Variants in USP8 observed in about 807,000 individuals in gnomAD.
USP8 encodes the protein ubiquitin carboxyl-terminal hydrolase 8.
Under a neutral mutation model 130.0 loss-of-function variants are expected in USP8, and 27 were observed. The ratio of observed to expected loss-of-function variants is 0.21; its 90% confidence interval spans 0.15 to 0.29. USP8 has a LOEUF of 0.29. Ranked by LOEUF, USP8 falls within the 10% of genes least tolerant of loss-of-function variation. The probability of loss-of-function intolerance (pLI) is 1.00; values close to 1 mark genes in which losing one functional copy is unlikely to be tolerated. For synonymous variants in USP8, 392 were observed against 444.1 expected, an observed-to-expected ratio of 0.88 and a Z score of 1.48; for missense variants, 1,029 against 1,312.2, an observed-to-expected ratio of 0.78 and a Z score of 3.33.
In USP8 at chr15:50,498,698, T is replaced by A; in HGVS notation, c.3141T>A (p.Asn1047Lys). The stretch of plus-strand genomic sequence containing the variant: ...AGTATGTTATTGGTCCAAAGAACAA[T>A]TTGAAGAAATATAATTTGTTTTCTG... ...LSQYVIGPKN[N>K]LKKYNLFSVS... The change falls in exon 19 of 20, where the codon AAT becomes AAA. Residue 1047 changes from asparagine to lysine, a missense_variant. Asn to Lys is a moderately conservative substitution (Grantham distance 94, BLOSUM62 0). Transcript: ENST00000307179. 6.2e-7 allele frequency: 1 copy of A among 1,611,694 alleles called. No homozygotes were observed. Among genetic ancestry groups the A allele is most frequent in the Non-Finnish European group, 8.5e-7 (1 of 1,178,406 alleles).
intron 8 of USP8, among the ~76,000 whole-genome samples, chr15:50,473,030 G>C (rs1380725199): frequency 1.3e-5 from 2 of 152,106 alleles, no homozygotes; most frequent in South Asian, 2.1e-4. Context: ...AAATACTTAA[G>C]ATAAAATAGT....
At position 50,424,619 on chromosome 15, in the gene USP8, C is replaced by G. The variant is rs968233046; in HGVS notation, c.-66+105C>G. The stretch of plus-strand genomic sequence containing the variant: ...AGCTGCTGGTTACCCCGGAGACAAG[C>G]TCTGTCCGCGGAGAGGAGTGGGACA... On this transcript the variant is annotated intron_variant, in intron 1 of 19. Coordinates refer to ENST00000307179, the MANE Select transcript of USP8 (RefSeq NM_005154.5). The G allele has an allele frequency of 1.8e-5, 7 of 397,380 alleles. No individual in the cohort carries two copies. In the South Asian group the frequency reaches 5.5e-4, roughly 31 times the overall value. 24.6% of individuals were successfully genotyped at this position (397,380 alleles called of 1,614,324 possible).
rs1372991677 is a variant in USP8 at position 50,499,135 on chromosome 15, A to ACAACT, written c.*49_*53dup. 8.6e-6 allele frequency: 13 copies of ACAACT among 1,512,814 alleles called. No homozygotes were observed. The highest frequency in any genetic ancestry group is 2.1e-5 in the Admixed American group (1 of 48,070). The allele number at this position is 1,512,814 out of a possible 1,614,324, so 93.7% of individuals were successfully genotyped here. ...GTTATCTTTTAAAAGGCTCAGCAAC[A>ACAACT]CAACTCTTGAAATGCTTATCAGGAT... On this transcript the variant is annotated 3_prime_UTR_variant, in exon 20 of 20. Coordinates refer to ENST00000307179, the MANE Select transcript of USP8 (RefSeq NM_005154.5).
At chr15:50,450,020 A>C (rs1356919700) in intron 4 of USP8, among the ~76,000 whole-genome samples, 1 of 148,838 alleles carries the variant, frequency 6.7e-6, no homozygotes, top group Non-Finnish European at 1.5e-5. Flanking sequence ...CAGCCTCCCG[A>C]GTAGCTGGGA....
At chr15:50,481,410 C>A (rs555295411) in intron 10 of USP8, 71 bp from the exon 11 acceptor site, 118 of 1,145,510 alleles carry the variant, frequency 1.0e-4, no homozygotes, top group Non-Finnish European at 1.3e-4. Flanking sequence ...TTTATCACAA[C>A]TTGATCTCAA....
intron 12 of USP8, 71 bp downstream of exon 12, chr15:50,484,432 A>G: frequency 8.4e-7 from 1 of 1,190,048 alleles, no homozygotes; most frequent in Non-Finnish European, 1.2e-6. Flanking sequence ...TGATTATCTT[A>G]CCACACTGCT....
intron 16 of USP8, among the ~76,000 whole-genome samples, chr15:50,494,561 CAAAT>C (rs1324745133): frequency 6.6e-6 from 1 of 152,150 alleles, no homozygotes; most frequent in East Asian, 1.9e-4. Context: ...AAATCATAAA[CAAAT>C]GATCTTATAA....
Position 50,511,313 on chromosome 15 carries a change from C to A in USP8, c.*12225C>A, listed in dbSNP as rs1193973992. 1 of 152,074 alleles carries A rather than the reference C, an allele frequency of 6.6e-6. No homozygotes were observed. Among genetic ancestry groups the A allele is most frequent in the African/African-American group, 2.4e-5 (1 of 41,408 alleles). 9.4% of individuals were successfully genotyped at this position (152,074 alleles called of 1,614,324 possible). ...ATGTGGGGAAACTGGAACCTTAGTT[C>A]CAGTTGCTGGTGGGAACGTAAAATG... On this transcript the variant is annotated 3_prime_UTR_variant, in exon 20 of 20. Transcript: ENST00000307179.
At chr15:50,427,091 A>G (rs1325287556) in intron 1 of USP8, among the ~76,000 whole-genome samples, 3 of 151,066 alleles carry the variant, frequency 2.0e-5, no homozygotes, top group South Asian at 2.1e-4. Context: ...GTAGCATGTC[A>G]CCAAGCCCAG....
Position 50,462,139 on chromosome 15 carries a change from T to C in USP8, c.499-141T>C, listed in dbSNP as rs2051028566. ...AAGAAACCTTTTAATATCATTATTATTCGTCTGCGTTTTTATAAAAGGCCA... is the reference window on the plus strand; with the variant it reads ...AAGAAACCTTTTAATATCATTATTACTCGTCTGCGTTTTTATAAAAGGCCA... On this transcript the variant is annotated intron_variant, in intron 5 of 19. Coordinates refer to ENST00000307179, the MANE Select transcript of USP8 (RefSeq NM_005154.5). 3 of 605,368 alleles carry C rather than the reference T, an allele frequency of 5.0e-6. No individual in the cohort carries two copies. The South Asian group carries it at 6.8e-5, about 14-fold the overall frequency. 37.5% of individuals were successfully genotyped at this position (605,368 alleles called of 1,614,324 possible). A position where few individuals can be genotyped will look rare whatever the true frequency, so the allele number is the denominator to read the frequency against.
chr15:50,443,487 T>G lies in USP8; in HGVS notation c.249+1994T>G, dbSNP rs1013625287. 1.2e-4 allele frequency among the ~76,000 whole-genome samples: 18 copies of G among 151,998 alleles called. 1 individual carries two copies. The highest frequency in any genetic ancestry group is 1.5e-4 in the Non-Finnish European group (10 of 67,970). On this transcript the variant is annotated intron_variant, in intron 3 of 19. Transcript: ENST00000307179. ...AATAATAGTTACTAGGTTTTTTTTG[T>G]TTTTTGTTTTTTTAAAGACGGAGTC...
chr15:50,459,781 T>A (rs2050920106), intron 5 of USP8, among the ~76,000 whole-genome samples: 1 of 152,130 alleles, frequency 6.6e-6, no homozygotes, highest in Admixed American at 6.6e-5. Flanking sequence ...ATGTCAAAAC[T>A]TTTTTAACCA....
At chr15:50,487,922 G>A (rs1232919928) in intron 12 of USP8, among the ~76,000 whole-genome samples, 2 of 152,218 alleles carry the variant, frequency 1.3e-5, no homozygotes, top group African/African-American at 2.4e-5. Flanking sequence ...GCACAAGCCT[G>A]CAGACCCAGC....
intron 6 of USP8, 48 bp downstream of exon 6, chr15:50,462,370 C>T: frequency 6.6e-7 from 1 of 1,509,504 alleles, no homozygotes; most frequent in Non-Finnish European, 9.0e-7. Context: ...TGACTGAGAT[C>T]TTTTAATCAG....
chr15:50,477,838 C>CAA (rs34193682), intron 10 of USP8, among the ~76,000 whole-genome samples: 1 of 129,202 alleles, frequency 7.7e-6, no homozygotes. Context: ...GACTCTGTCT[C>CAA]AAAAAAAAAA....
At chr15:50,470,898 G>A (rs374263379) in intron 7 of USP8, among the ~76,000 whole-genome samples, 48 of 152,108 alleles carry the variant, frequency 3.2e-4, no homozygotes, top group Admixed American at 5.2e-4. Context: ...ATGCCCAGCC[G>A]GACTTTAGTT....
At chr15:50,434,779 C>T (rs2050046606) in intron 1 of USP8, among the ~76,000 whole-genome samples, 1 of 151,966 alleles carries the variant, frequency 6.6e-6, no homozygotes, top group South Asian at 2.1e-4. Context: ...ACCACCACGC[C>T]TGGCTAATTT....
In USP8 at chr15:50,505,025, A is replaced by AATTAG. The variant is rs1308940541; in HGVS notation, c.*5938_*5942dup. 1 of 152,066 alleles carries AATTAG rather than the reference A, an allele frequency of 6.6e-6. No homozygotes were observed. The highest frequency in any genetic ancestry group is 2.4e-5 in the African/African-American group (1 of 41,394). 9.4% of individuals were successfully genotyped at this position (152,066 alleles called of 1,614,324 possible). ...ATAAACTATAAAATGAAGTTGGGGAAATTAGCAAGAATGGAGTAGTGATGG... is the reference window on the plus strand; with the variant it reads ...ATAAACTATAAAATGAAGTTGGGGAAATTAGATTAGCAAGAATGGAGTAGTGATGG... On this transcript the variant is annotated 3_prime_UTR_variant, in exon 20 of 20. Coordinates refer to ENST00000307179, the MANE Select transcript of USP8 (RefSeq NM_005154.5).
intron 8 of USP8, among the ~76,000 whole-genome samples, chr15:50,476,501 T>G (rs560497077): frequency 3.5e-4 from 54 of 152,330 alleles, no homozygotes; most frequent in African/African-American, 1.3e-3. Context: ...TGAAAGATGT[T>G]CATAGAAAAG....
Sources: allele counts gnomAD v4.1 joint callset (sites outside exome capture counted in the v4.1 genomes callset), GRCh38; gene constraint gnomAD v4.1.1; transcripts MANE v1.5; gene names NCBI Gene and HGNC (gene_info 2026-07-23, HGNC 2026-07-21).